The following CCSER1 variants were observed in gnomAD, a reference collection of about 807,000 sequenced individuals.
The protein encoded by CCSER1 is coiled-coil serine rich protein 1.
Under a neutral mutation model 82.0 loss-of-function variants are expected in CCSER1, and 41 were observed. The ratio of observed to expected loss-of-function variants is 0.50; its 90% CI spans 0.39 to 0.65. CCSER1 has a LOEUF of 0.65. Ranked by LOEUF, CCSER1 falls within the 30% of genes least tolerant of loss-of-function variation. The pLI is 0.00. For synonymous variants in CCSER1, 414 were observed against 383.9 expected (o/e 1.08, Z -0.92); for missense variants, 1,119 against 1,064.2 (o/e 1.05, Z -0.72).
intron 10 of CCSER1, among the ~76,000 whole-genome samples, chr4:91,577,653 G>A (rs887068684): frequency 6.6e-6 from 1 of 151,928 alleles, no homozygotes; most frequent in African/African-American, 2.4e-5. Flanking sequence ...GTAACACTCC[G>A]TTAAGCGATA....
intron 1 of CCSER1, among the ~76,000 whole-genome samples, chr4:90,200,205 A>T (rs1737423014): frequency 6.6e-6 from 1 of 152,102 alleles, no homozygotes; most frequent in South Asian, 2.1e-4. Context: ...TTCCCAGAGT[A>T]CATGTCTCTG....
intron 4 of CCSER1, among the ~76,000 whole-genome samples, chr4:90,463,072 G>A (rs1763150767): frequency 6.6e-6 from 1 of 152,044 alleles, no homozygotes; most frequent in Non-Finnish European, 1.5e-5. Context: ...TTTTACTTTA[G>A]GATATTGATA....
chr4:90,499,546 A>C (rs1769536003), intron 5 of CCSER1, among the ~76,000 whole-genome samples: 1 of 152,160 alleles, frequency 6.6e-6, no homozygotes, highest in Admixed American at 6.6e-5. Context: ...ATTAATATCA[A>C]TATATATGAA....
intron 9 of CCSER1, among the ~76,000 whole-genome samples, chr4:91,019,162 C>T (rs529335120): frequency 6.6e-6 from 1 of 151,330 alleles, no homozygotes; most frequent in East Asian, 1.9e-4. Flanking sequence ...TGTGCTGTTT[C>T]AAGATACTTC....
At chr4:91,046,791 C>A (rs553470753) in intron 9 of CCSER1, among the ~76,000 whole-genome samples, 3 of 152,128 alleles carry the variant, frequency 2.0e-5, no homozygotes, top group African/African-American at 7.2e-5. Context: ...GATCTCGGCT[C>A]ACTACAACCC....
chr4:90,149,168 G>T (rs541711462), intron 1 of CCSER1, among the ~76,000 whole-genome samples: 3 of 152,080 alleles, frequency 2.0e-5, no homozygotes, highest in Non-Finnish European at 4.4e-5. Flanking sequence ...ACCTTATGAA[G>T]TAGGTGATAT....
intron 10 of CCSER1, among the ~76,000 whole-genome samples, chr4:91,316,261 A>G (rs927757359): frequency 9.9e-5 from 15 of 151,946 alleles, no homozygotes; most frequent in Non-Finnish European, 1.8e-4. Flanking sequence ...TAGTTTTTAT[A>G]TTTTAGGTTT....
chr4:91,482,270 C>T (rs1232294774), intron 10 of CCSER1, among the ~76,000 whole-genome samples: 7 of 108,494 alleles, frequency 6.5e-5, no homozygotes, highest in African/African-American at 1.9e-4. Context: ...GGCGCGGTGG[C>T]AGGCACCTGT....
At chr4:91,061,296 C>T (rs1023066596) in intron 9 of CCSER1, among the ~76,000 whole-genome samples, 2 of 151,384 alleles carry the variant, frequency 1.3e-5, no homozygotes, top group Non-Finnish European at 3.0e-5. Context: ...AAAAAAAGAA[C>T]TGAAACTTAC....
intron 10 of CCSER1, among the ~76,000 whole-genome samples, chr4:91,412,754 A>T (rs1464961606): frequency 6.6e-6 from 1 of 152,180 alleles, no homozygotes; most frequent in African/African-American, 2.4e-5. Context: ...TAAAGAATGG[A>T]AGTGGTATTT....
intron 10 of CCSER1, among the ~76,000 whole-genome samples, chr4:91,583,146 CCT>C (rs2110319091): frequency 6.6e-6 from 1 of 151,306 alleles, no homozygotes; most frequent in South Asian, 2.1e-4. Flanking sequence ...GAGAATAAAT[CCT>C]TTTTAATGTA....
chr4:90,808,035 A>G (rs1757758253), intron 7 of CCSER1, among the ~76,000 whole-genome samples: 1 of 152,208 alleles, frequency 6.6e-6, no homozygotes, highest in African/African-American at 2.4e-5. Context: ...GTACCTGTAT[A>G]AAAGTAGATA....
chr4:90,406,422 A>C (rs940326235), intron 4 of CCSER1, among the ~76,000 whole-genome samples: 1 of 152,210 alleles, frequency 6.6e-6, no homozygotes, highest in Non-Finnish European at 1.5e-5. Context: ...GGGGGACTTC[A>C]ATACTTCACT....
chr4:90,736,324 T>C (rs1055821999), intron 7 of CCSER1, among the ~76,000 whole-genome samples: 1 of 152,114 alleles, frequency 6.6e-6, no homozygotes, highest in Non-Finnish European at 1.5e-5. Flanking sequence ...CCAAGTATTA[T>C]TGTATTGGAG....
chr4:91,220,913 CAAAAT>C (rs1357972022), intron 10 of CCSER1, among the ~76,000 whole-genome samples: 1 of 151,782 alleles, frequency 6.6e-6, no homozygotes, highest in Non-Finnish European at 1.5e-5. Flanking sequence ...ATTTAAAAAA[CAAAAT>C]GTGAAAAAGT....
intron 3 of CCSER1, among the ~76,000 whole-genome samples, chr4:90,369,222 A>T (rs1376783640): frequency 8.2e-6 from 1 of 122,650 alleles, no homozygotes; most frequent in Non-Finnish European, 1.8e-5. Context: ...GAAGAAAGAA[A>T]GGGGGAGGAA....
intron 1 of CCSER1, among the ~76,000 whole-genome samples, chr4:90,243,313 A>G (rs541652530): frequency 6.6e-6 from 1 of 151,922 alleles, no homozygotes; most frequent in South Asian, 2.1e-4. Context: ...CAGTGGGACA[A>G]TCTAGACTCA....
At chr4:91,272,142 G>T (rs543957263) in intron 10 of CCSER1, among the ~76,000 whole-genome samples, 1 of 152,280 alleles carries the variant, frequency 6.6e-6, no homozygotes, top group East Asian at 1.9e-4. Context: ...GGGATCAAAT[G>T]ATAGTTCTAC....
At chr4:91,336,442 T>G (rs1189492988) in intron 10 of CCSER1, among the ~76,000 whole-genome samples, 1 of 152,134 alleles carries the variant, frequency 6.6e-6, no homozygotes, top group Non-Finnish European at 1.5e-5. Context: ...GCCTAGTATT[T>G]GCTACGCTAT....
Sources: allele counts gnomAD v4.1 joint callset (sites outside exome capture counted in the v4.1 genomes callset), GRCh38; gene constraint gnomAD v4.1.1; transcripts MANE v1.5; gene names NCBI Gene and HGNC (gene_info 2026-07-23, HGNC 2026-07-21).